POGZ: variants seen among roughly 807,000 people sequenced by gnomAD.
The protein encoded by POGZ is pogo transposable element derived with ZNF domain, also known as pogo transposable element with ZNF domain.
Under a neutral mutation model 134.6 loss-of-function variants are expected in POGZ, and 17 were observed. That is an observed-to-expected ratio of 0.13 (90% CI 0.09 to 0.19). The LOEUF is 0.19. Among genes scored for constraint, POGZ ranks in the 10% least tolerant of loss-of-function variants. The pLI is 1.00. For missense variants in POGZ, 1,306 were observed against 1,769.7 expected (o/e 0.74, Z 4.70); for synonymous variants, 693 against 657.1 (o/e 1.05, Z -0.84).
chr1:151,458,846 G>A (rs1663133902), intron 1 of POGZ, among the ~76,000 whole-genome samples: 1 of 145,500 alleles, frequency 6.9e-6, no homozygotes, highest in African/African-American at 2.5e-5. Flanking sequence ...CCGGGGGGCG[G>A]GGGCGGCCGG....
chr1:151,417,688 CCACACACACACACACACA>C (rs59753677), intron 10 of POGZ, among the ~76,000 whole-genome samples: 4 of 137,464 alleles, frequency 2.9e-5, no homozygotes, highest in African/African-American at 8.2e-5. Flanking sequence ...GGTACTGTGG[CCACACACACACACACACA>C]CACACACACA....
At chr1:151,407,145 TC>T in intron 16 of POGZ, 89 bp downstream of exon 16, 1 of 1,229,118 alleles carries the variant, frequency 8.1e-7, no homozygotes, top group South Asian at 1.3e-5. Flanking sequence ...TGAAATTAAT[TC>T]ACATAACCAC....
chr1:151,452,263 G>C (rs557325979), intron 1 of POGZ, among the ~76,000 whole-genome samples: 2 of 151,896 alleles, frequency 1.3e-5, no homozygotes, highest in South Asian at 4.1e-4. Flanking sequence ...ATTCATGTAG[G>C]AGAATGTATT....
intron 10 of POGZ, among the ~76,000 whole-genome samples, chr1:151,415,103 G>T (rs970516558): frequency 6.6e-6 from 1 of 151,956 alleles, no homozygotes. Context: ...CCTTCCTAAG[G>T]CTCATCCAAC....
At chr1:151,419,393 T>G (rs1349720666) in intron 10 of POGZ, among the ~76,000 whole-genome samples, 1 of 151,446 alleles carries the variant, frequency 6.6e-6, no homozygotes, top group Non-Finnish European at 1.5e-5. Flanking sequence ...CTCACACCAG[T>G]AATCACAGCA....
intron 1 of POGZ, among the ~76,000 whole-genome samples, chr1:151,457,615 G>A (rs914321301): frequency 6.6e-6 from 1 of 152,150 alleles, no homozygotes; most frequent in East Asian, 1.9e-4. Flanking sequence ...CTTTCCTCTA[G>A]TTGGGTAAAT....
intron 3 of POGZ, among the ~76,000 whole-genome samples, chr1:151,436,911 G>A (rs917583252): frequency 6.6e-6 from 1 of 152,144 alleles, no homozygotes; most frequent in Non-Finnish European, 1.5e-5. Context: ...AACTTTTCGA[G>A]GGCCAGGTGA....
chr1:151,443,396 C>T (rs534554450), intron 1 of POGZ, among the ~76,000 whole-genome samples: 2 of 152,238 alleles, frequency 1.3e-5, no homozygotes, highest in African/African-American at 4.8e-5. Flanking sequence ...AATTACATGT[C>T]CCTTTAAAAA....
chr1:151,422,979 T>C (rs1657189004), intron 10 of POGZ, among the ~76,000 whole-genome samples: 1 of 152,226 alleles, frequency 6.6e-6, no homozygotes, highest in African/African-American at 2.4e-5. Flanking sequence ...CTCCAGCTCA[T>C]CTTATATTTC....
At position 151,405,312 on chromosome 1, in the gene POGZ, A is replaced by T; in HGVS notation, c.3723T>A (p.Ala1241=). The change falls in exon 19 of 19, where the codon GCT becomes GCA. Residue 1241 remains alanine, a synonymous_variant. Transcript: ENST00000271715. The surrounding 1 kb of genome is among the most constrained non-coding windows in gnomAD (Gnocchi z 4.9). Reference sequence around the variant, plus strand: ...GCAAAGTGCTAGAGGCACTAAGCATAGCCAGTACCTCTTCTGACAAGTGAG... The same window carrying T: ...GCAAAGTGCTAGAGGCACTAAGCATTGCCAGTACCTCTTCTGACAAGTGAG... ...HRTHLSEEVL[A]MLSASSTLPA... The T allele has an allele frequency of 6.2e-7, 1 of 1,614,158 alleles. No homozygotes were observed. Among genetic ancestry groups the T allele is most frequent in the African/African-American group, 1.3e-5 (1 of 75,070 alleles).
At chr1:151,437,767 A>T (rs1659870065) in intron 3 of POGZ, among the ~76,000 whole-genome samples, 1 of 152,176 alleles carries the variant, frequency 6.6e-6, no homozygotes, top group Admixed American at 6.5e-5. Flanking sequence ...AACAAACGTT[A>T]TTCTCATTTG....
intron 1 of POGZ, among the ~76,000 whole-genome samples, chr1:151,458,648 C>A (rs1663075721): frequency 6.9e-6 from 1 of 145,870 alleles, no homozygotes; most frequent in Admixed American, 6.8e-5. Flanking sequence ...CCCTCGCCGG[C>A]CCCTCCCGCC....
chr1:151,404,402 C>T lies in POGZ; in HGVS notation c.*400G>A. 1.0e-6 allele frequency: 1 copy of T among 990,982 alleles called. No individual in the cohort carries two copies. Among genetic ancestry groups the T allele is most frequent in the Non-Finnish European group, 1.2e-6 (1 of 833,186 alleles). The allele number at this position is 990,982 out of a possible 1,614,324, so 61.4% of individuals were successfully genotyped here. The stretch of plus-strand genomic sequence containing the variant: ...GACATTGGCCACACAATAAAACAAA[C>T]AAAAAAACCCAGTACTATGATACAA... On this transcript the variant is annotated 3_prime_UTR_variant, in exon 19 of 19. Coordinates refer to ENST00000271715, the MANE Select transcript of POGZ (RefSeq NM_015100.4).
chr1:151,458,677 A>ACCGCCCGCGCCC (rs1384315180), intron 1 of POGZ, among the ~76,000 whole-genome samples: 2 of 134,616 alleles, frequency 1.5e-5, no homozygotes, highest in East Asian at 2.2e-4. Context: ...CCGTCTCGCC[A>ACCGCCCGCGCCC]CCGCCCGCGC....
chr1:151,421,847 G>C (rs1457230535), intron 10 of POGZ, among the ~76,000 whole-genome samples: 1 of 152,126 alleles, frequency 6.6e-6, no homozygotes, highest in Non-Finnish European at 1.5e-5. Flanking sequence ...CTACCTCCTG[G>C]GATCAAGTGA....
chr1:151,416,504 A>G (rs1281196596), intron 10 of POGZ, among the ~76,000 whole-genome samples: 1 of 152,190 alleles, frequency 6.6e-6, no homozygotes. Context: ...TCTGTCTCAA[A>G]AAAGACTAAG....
chr1:151,451,983 G>C (rs1021751428), intron 1 of POGZ, among the ~76,000 whole-genome samples: 23 of 150,682 alleles, frequency 1.5e-4, no homozygotes, highest in African/African-American at 4.9e-4. Context: ...TGTAATCCCA[G>C]CTACTCAGGA....
In POGZ at chr1:151,422,850, C is replaced by T. The variant is rs1315394985; in HGVS notation, c.1678+547G>A. ...CAGGTGATCTGCCTGCTTCGGCCTC[C>T]CAAAGTGTTGGGATTACAGGCGTGA... On this transcript the variant is annotated intron_variant, in intron 10 of 18. Coordinates refer to ENST00000271715, the MANE Select transcript of POGZ (RefSeq NM_015100.4). Among the ~76,000 whole-genome samples the T allele has an allele frequency of 2.6e-5, 4 of 152,162 alleles. No individual in the cohort carries two copies. The East Asian group carries it at 5.8e-4, about 22-fold the overall frequency.
rs531088628 is a variant in POGZ at position 151,416,709 on chromosome 1, G to A, written c.1679-4313C>T. 2.7e-5 allele frequency among the ~76,000 whole-genome samples: 4 copies of A among 147,936 alleles called. No homozygotes were observed. In the East Asian group the frequency reaches 7.9e-4, roughly 29 times the overall value. On this transcript the variant is annotated intron_variant, in intron 10 of 18. Transcript: ENST00000271715. ...TGTGATCATATCTCACTGCTGGCTCGACTTGCTGGGCTCAAACAATCCTCC... is the reference window on the plus strand; with the variant it reads ...TGTGATCATATCTCACTGCTGGCTCAACTTGCTGGGCTCAAACAATCCTCC...
Sources: gnomAD v4.1 joint callset for allele counts (sites outside exome capture counted in the v4.1 genomes callset) on GRCh38, gnomAD v4.1.1 for gene constraint, Gnocchi (gnomAD v3.1) non-coding constraint, MANE v1.5 for transcripts, NCBI Gene and HGNC (gene_info 2026-07-23, HGNC 2026-07-21) for gene names.